Variants in FBXO31 observed in about 807,000 individuals in gnomAD.
FBXO31 encodes the protein F-box protein 31.
FBXO31 carries 24 observed loss-of-function variants against 54.4 expected under a neutral mutation model. The observed-to-expected ratio is 0.44, with a 90% CI of 0.32 to 0.62. FBXO31 has a LOEUF of 0.62. FBXO31 is among the 20% of genes least tolerant of loss of function. FBXO31 has a pLI of 0.05. For synonymous variants in FBXO31, 388 were observed against 335.6 expected, an observed-to-expected ratio of 1.16 and a Z score of -1.71; for missense variants, 665 against 787.1, an observed-to-expected ratio of 0.84 and a Z score of 1.86.
At chr16:87,364,261 CA>C (rs931366471) in intron 1 of FBXO31, among the ~76,000 whole-genome samples, 3 of 152,222 alleles carry the variant, frequency 2.0e-5, no homozygotes, top group African/African-American at 7.2e-5. Flanking sequence ...GGGCTGACCC[CA>C]GGGAAACGTG....
At chr16:87,382,086 T>C (rs373128266) in intron 1 of FBXO31, among the ~76,000 whole-genome samples, 2 of 148,864 alleles carry the variant, frequency 1.3e-5, no homozygotes, top group African/African-American at 5.0e-5. Context: ...CAAGGATACA[T>C]GTCAATCTCC....
At chr16:87,347,716 C>G in intron 2 of FBXO31, among the ~76,000 whole-genome samples, 1 of 145,570 alleles carries the variant, frequency 6.9e-6, no homozygotes, top group South Asian at 2.2e-4. Flanking sequence ...CAGAATGAAA[C>G]TATCCTCAGA....
At chr16:87,378,081 C>G (rs1402282645) in intron 1 of FBXO31, among the ~76,000 whole-genome samples, 3 of 151,602 alleles carry the variant, frequency 2.0e-5, no homozygotes, top group Non-Finnish European at 4.4e-5. Flanking sequence ...ACTGCTTGAA[C>G]CCGGGAGGCA....
intron 1 of FBXO31, 97 bp from the exon 2 acceptor site, chr16:87,360,463 TAG>T: frequency 1.0e-6 from 1 of 977,492 alleles, no homozygotes; most frequent in Non-Finnish European, 1.6e-6. Flanking sequence ...GGTGCACACC[TAG>T]CCTCAGCCCC....
upstream of FBXO31, chr16:87,386,344 G>A (rs1351796200): frequency 6.6e-6 from 1 of 152,234 alleles, no homozygotes; most frequent in Non-Finnish European, 1.5e-5. Flanking sequence ...TGGTGTTTTG[G>A]GAAGCCAACT....
chr16:87,340,406 C>T (rs1905155627), intron 5 of FBXO31, among the ~76,000 whole-genome samples: 1 of 152,220 alleles, frequency 6.6e-6, no homozygotes, highest in African/African-American at 2.4e-5. Flanking sequence ...AGGACAAAAG[C>T]AGCGCTACAA....
At chr16:87,364,097 G>C (rs1906252628) in intron 1 of FBXO31, among the ~76,000 whole-genome samples, 1 of 152,198 alleles carries the variant, frequency 6.6e-6, no homozygotes, top group African/African-American at 2.4e-5. Flanking sequence ...TTTTGGTTAT[G>C]TTGATACAAC....
chr16:87,386,000 G>A (rs550767121), upstream of FBXO31: 4 of 151,816 alleles, frequency 2.6e-5, no homozygotes, highest in East Asian at 5.8e-4. Flanking sequence ...GACAGAGCAA[G>A]ACTCTTTCTC....
At chr16:87,364,815 A>C (rs1384968742) in intron 1 of FBXO31, among the ~76,000 whole-genome samples, 1 of 151,194 alleles carries the variant, frequency 6.6e-6, no homozygotes, top group Non-Finnish European at 1.5e-5. Flanking sequence ...TGAGCTCAGG[A>C]GTTAGAGACC....
At position 87,345,814 on chromosome 16, in the gene FBXO31, G is replaced by A. The variant is rs576652877; in HGVS notation, c.489+1360C>T. 6.6e-6 allele frequency among the ~76,000 whole-genome samples: 1 copy of A among 152,344 alleles called. No individual in the cohort carries two copies. The highest frequency in any genetic ancestry group is 1.9e-4 in the East Asian group (1 of 5,176). On this transcript the variant is annotated intron_variant, in intron 3 of 8. Transcript: ENST00000311635. The surrounding 1 kb of genome is among the most constrained non-coding windows in gnomAD (Gnocchi z 4.9). ...CCCCTTCCTGAGGCCACTGACCACT[G>A]GCTGGGGAGGAAGGCCCATGTCTGG... is the stretch of plus-strand genomic sequence containing the variant.
In FBXO31 at chr16:87,335,557, C is replaced by T. The variant is rs977115788; in HGVS notation, c.843-100G>A. 20 of 398,242 alleles carry T rather than the reference C, an allele frequency of 5.0e-5. No homozygotes were observed. Among genetic ancestry groups the T allele is most frequent in the Admixed American group, 2.2e-4 (8 of 36,244 alleles). The allele number at this position is 398,242 out of a possible 1,614,324, so 24.7% of individuals were successfully genotyped here. On this transcript the variant is annotated intron_variant, in intron 6 of 8. Transcript: ENST00000311635. This position sits in a 1 kb window ranked among gnomAD's most constrained non-coding sequence, Gnocchi z 5.7. ...ATGAGCTTTGCAGGGCGGGGTAGGGCGGGCAGCTCAGCTCAACCAGGGCCA... is the reference window on the plus strand; with the variant it reads ...ATGAGCTTTGCAGGGCGGGGTAGGGTGGGCAGCTCAGCTCAACCAGGGCCA...
Position 87,380,028 on chromosome 16 carries a change from G to A in FBXO31, c.340+3377C>T, listed in dbSNP as rs555446717. On this transcript the variant is annotated intron_variant, in intron 1 of 8. Coordinates refer to ENST00000311635, the MANE Select transcript of FBXO31 (RefSeq NM_024735.5). ...AAAAAAAAAAAAAAAGGCCTGCCGC[G>A]GTGGCTCACGCCTGTAATCCCAGCA... 8.9e-3 allele frequency among the ~76,000 whole-genome samples: 1,305 copies of A among 147,298 alleles called. 13 individuals are homozygous for A. Among genetic ancestry groups the A allele is most frequent in the Non-Finnish European group, 9.3e-3 (622 of 67,136 alleles).
At position 87,329,870 on chromosome 16, in the gene FBXO31, T is replaced by G. The variant is rs1205776439; in HGVS notation, c.*1418A>C. 6.6e-6 allele frequency: 1 copy of G among 151,862 alleles called. No homozygotes were observed. Among genetic ancestry groups the G allele is most frequent in the Non-Finnish European group, 1.5e-5 (1 of 68,036 alleles). 9.4% of individuals were successfully genotyped at this position (151,862 alleles called of 1,614,324 possible). On this transcript the variant is annotated 3_prime_UTR_variant, in exon 9 of 9. Coordinates refer to ENST00000311635, the MANE Select transcript of FBXO31 (RefSeq NM_024735.5). ...TGAGGCTGGGCAATGGGAATTCTTA[T>G]GTTCTTTAAAGGCCAGTCAAGGAGA...
At position 87,347,177 on chromosome 16, in the gene FBXO31, C is replaced by G. The variant is rs1905426476; in HGVS notation, c.486G>C (p.Val162=). ...DIGPYGGLLN[V]VVDGLFIIGW... The stretch of plus-strand genomic sequence containing the variant: ...GTCGCGAGGCTCCGGGACTTACCAC[C>G]ACGTTCAGCAGTCCTCCGTATGGCC... The change falls in exon 3 of 9, where the codon GTG becomes GTC. Residue 162 remains valine (V), a synonymous_variant. Coordinates refer to ENST00000311635, the MANE Select transcript of FBXO31 (RefSeq NM_024735.5). 6.2e-7 allele frequency: 1 copy of G among 1,614,108 alleles called. No individual in the cohort carries two copies. The highest frequency in any genetic ancestry group is 1.3e-5 in the African/African-American group (1 of 75,044).
In FBXO31 at chr16:87,345,969, C is replaced by T. The variant is rs1401026163; in HGVS notation, c.489+1205G>A. On this transcript the variant is annotated intron_variant, in intron 3 of 8. Transcript: ENST00000311635. The surrounding 1 kb of genome is among the most constrained non-coding windows in gnomAD (Gnocchi z 4.9). ...TGCACACAGGCAGTTGCACGAGGCA[C>T]CTGCGGAATCCTGAGTGAGGGGTGG... 6.6e-6 allele frequency among the ~76,000 whole-genome samples: 1 copy of T among 152,180 alleles called. No homozygotes were observed. Among genetic ancestry groups the T allele is most frequent in the Non-Finnish European group, 1.5e-5 (1 of 68,044 alleles).
chr16:87,385,604 G>A (rs1263365887), upstream of FBXO31, among the ~76,000 whole-genome samples: 1 of 152,212 alleles, frequency 6.6e-6, no homozygotes, highest in African/African-American at 2.4e-5. Flanking sequence ...TCTTATAGCA[G>A]AGACCAGACT....
At chr16:87,378,042 C>G (rs558730656) in intron 1 of FBXO31, among the ~76,000 whole-genome samples, 2 of 151,376 alleles carry the variant, frequency 1.3e-5, no homozygotes, top group South Asian at 4.2e-4. Context: ...ACCTGTAATC[C>G]CAGTTATTCA....
chr16:87,375,916 C>T (rs1292800012), intron 1 of FBXO31, among the ~76,000 whole-genome samples: 2 of 152,226 alleles, frequency 1.3e-5, no homozygotes, highest in Admixed American at 6.5e-5. Context: ...TGCCGCCACC[C>T]TCAGCCTGAG....
chr16:87,369,356 C>T (rs1193388439), intron 1 of FBXO31, among the ~76,000 whole-genome samples: 1 of 152,140 alleles, frequency 6.6e-6, no homozygotes, highest in African/African-American at 2.4e-5. Context: ...TCCCCAGCCC[C>T]GTCCTCGGCA....
Sources: gnomAD v4.1 joint callset for allele counts (sites outside exome capture counted in the v4.1 genomes callset) on GRCh38, gnomAD v4.1.1 for gene constraint, Gnocchi (gnomAD v3.1) non-coding constraint, MANE v1.5 for transcripts, NCBI Gene and HGNC (gene_info 2026-07-23, HGNC 2026-07-21) for gene names.